The following ANKHD1 variants were observed in gnomAD, a reference collection of about 807,000 sequenced individuals.
ANKHD1 encodes the protein ankyrin repeat and KH domain containing 1.
Under a neutral mutation model 230.5 loss-of-function variants are expected in ANKHD1, and 31 were observed. The ratio of observed to expected loss-of-function variants is 0.13; its 90% CI spans 0.10 to 0.18. The LOEUF (loss-of-function observed/expected upper bound fraction) is 0.18. Ranked by LOEUF, ANKHD1 falls within the 10% of genes least tolerant of loss-of-function variation. The pLI is 1.00. For missense variants in ANKHD1, 2,256 were observed against 3,071.3 expected, an observed-to-expected ratio of 0.73 and a Z score of 6.27; for synonymous variants, 1,074 against 1,117.6, an observed-to-expected ratio of 0.96 and a Z score of 0.78.
chr5:140,411,741 C>A (rs1349005926), intron 1 of ANKHD1, among the ~76,000 whole-genome samples: 1 of 151,832 alleles, frequency 6.6e-6, no homozygotes, highest in East Asian at 1.9e-4. Flanking sequence ...CCAGGCTGGT[C>A]TCGAACTCCT....
chr5:140,521,836 AGGCAT>A (rs1211680512), intron 24 of ANKHD1, among the ~76,000 whole-genome samples: 6 of 152,100 alleles, frequency 3.9e-5, no homozygotes, highest in Admixed American at 1.3e-4. Flanking sequence ...AAAATTAGTC[AGGCAT>A]GGTGGCACAC....
chr5:140,411,777 G>A (rs990257506), intron 1 of ANKHD1, among the ~76,000 whole-genome samples: 1 of 151,624 alleles, frequency 6.6e-6, no homozygotes, highest in Non-Finnish European at 1.5e-5. Flanking sequence ...GCCCACCTCA[G>A]CCTCCCAAAG....
chr5:140,428,169 G>A (rs1236990393), intron 1 of ANKHD1, among the ~76,000 whole-genome samples: 1 of 151,696 alleles, frequency 6.6e-6, no homozygotes, highest in Non-Finnish European at 1.5e-5. Context: ...GCCAGGCAGA[G>A]GGGCTCCTCA....
At chr5:140,466,531 T>A (rs182719161) in intron 10 of ANKHD1, among the ~76,000 whole-genome samples, 1 of 152,368 alleles carries the variant, frequency 6.6e-6, no homozygotes, top group Admixed American at 6.5e-5. Flanking sequence ...TTTTACTGTC[T>A]TCTGGAATTA....
At chr5:140,486,905 C>A (rs946436165) in intron 13 of ANKHD1, 53 bp from the exon 14 acceptor site, 1 of 1,559,044 alleles carries the variant, frequency 6.4e-7, no homozygotes, top group Non-Finnish European at 8.7e-7. Flanking sequence ...CATTTATGGG[C>A]CTTTGTCTTA....
rs1246939147 is a variant in ANKHD1, at chr5:140,459,256, A to C, written c.1573A>C (p.Ile525Leu). Residue 525 changes from isoleucine (I) to leucine (L), a missense_variant, in exon 9 of 34, where the codon ATT becomes CTT. Transcript: ENST00000360839. ...GGFSEVADFL[I>L]KAGADIELGC... is the part of the protein sequence containing the mutation. ...ATTTTCTGAAGTTGCAGACTTTCTT[A>C]TTAAGGCAGGGGCTGATATAGAACT... The C allele has an allele frequency of 6.2e-7, 1 of 1,603,286 alleles. No individual in the cohort carries two copies. Among genetic ancestry groups the C allele is most frequent in the South Asian group, 1.1e-5 (1 of 90,040 alleles).
intron 32 of ANKHD1, 124 bp from the exon 33 acceptor site, chr5:140,538,795 T>G: frequency 8.6e-7 from 1 of 1,164,856 alleles, no homozygotes; most frequent in Non-Finnish European, 1.1e-6. Flanking sequence ...ACTGTACTTA[T>G]AGGATCTTTT....
intron 7 of ANKHD1, among the ~76,000 whole-genome samples, chr5:140,452,863 A>C (rs1449211931): frequency 6.6e-6 from 1 of 152,240 alleles, no homozygotes; most frequent in Middle Eastern, 3.2e-3. Context: ...ACAAAGCTGG[A>C]TGGAGAATGA....
chr5:140,403,602 C>A (rs925236054), intron 1 of ANKHD1, among the ~76,000 whole-genome samples: 2 of 152,092 alleles, frequency 1.3e-5, no homozygotes, highest in African/African-American at 4.8e-5. Flanking sequence ...TTAGTAAAGA[C>A]AGGGTTTCAC....
At position 140,539,827 on chromosome 5, in the gene ANKHD1, A is replaced by G. The variant is rs2127105742; in HGVS notation, c.*409A>G. 6.3e-6 allele frequency: 1 copy of G among 158,118 alleles called. No individual in the cohort carries two copies. Among genetic ancestry groups the G allele is most frequent in the South Asian group, 1.9e-4 (1 of 5,262 alleles). 9.8% of individuals were successfully genotyped at this position (158,118 alleles called of 1,614,324 possible). A position where few individuals can be genotyped will look rare whatever the true frequency, so the allele number is the denominator to read the frequency against. On this transcript the variant is annotated 3_prime_UTR_variant, in exon 34 of 34. Transcript: ENST00000360839. ...ATTAATGTGAAATATTTACCAGAAT[A>G]TTCAATAAAAAGATGAACAGTCTTT... is the stretch of plus-strand genomic sequence containing the variant.
At position 140,485,102 on chromosome 5, in the gene ANKHD1, G is replaced by A. The variant is rs376312332; in HGVS notation, c.1871-19G>A. 124 of 1,590,320 alleles carry A rather than the reference G, an allele frequency of 7.8e-5. No individual in the cohort carries two copies. Among genetic ancestry groups the A allele is most frequent in the Non-Finnish European group, 1.0e-4 (117 of 1,161,720 alleles). ...TGATGTCAACCTTTGCTAAGATTGC[G>A]ATTTATTTTTCTTCAAAGGTGCCAA... On this transcript the variant is annotated intron_variant, in intron 11 of 33. Coordinates refer to ENST00000360839, the MANE Select transcript of ANKHD1 (RefSeq NM_017747.3). This position sits in a 1 kb window ranked among gnomAD's most constrained non-coding sequence, Gnocchi z 4.8.
intron 24 of ANKHD1, among the ~76,000 whole-genome samples, chr5:140,520,926 T>TAA (rs1490749716): frequency 5.1e-5 from 6 of 116,576 alleles, no homozygotes; most frequent in Non-Finnish European, 7.3e-5. Flanking sequence ...ACTTAAAGTA[T>TAA]AATAAAAAAA....
At chr5:140,433,446 C>T (rs1256105243) in intron 1 of ANKHD1, among the ~76,000 whole-genome samples, 1 of 152,204 alleles carries the variant, frequency 6.6e-6, no homozygotes, top group Non-Finnish European at 1.5e-5. Context: ...CTATGTCTAA[C>T]TACCTATTGA....
chr5:140,497,199 G>A lies in ANKHD1; in HGVS notation c.2925G>A (p.Leu975=), dbSNP rs1752071943. 1 of 1,612,666 alleles carries A rather than the reference G, an allele frequency of 6.2e-7. No homozygotes were observed. Residue 975 remains leucine (L), a synonymous_variant, in exon 15 of 34, where the codon CTG becomes CTA. Transcript: ENST00000360839. ...QIAITGHDQG[L]LVQEPDGLMV... ...CTATTACTGGACATGATCAGGGGCT[G>A]TTAGTTCAAGAACCAGATGGACTAA...
At chr5:140,486,351 C>T (rs745588099) in intron 13 of ANKHD1, among the ~76,000 whole-genome samples, 1 of 152,124 alleles carries the variant, frequency 6.6e-6, no homozygotes, top group Non-Finnish European at 1.5e-5. Context: ...AGGCGTGAGC[C>T]ACATGCCCGG....
chr5:140,411,114 A>G (rs1770888668), intron 1 of ANKHD1, among the ~76,000 whole-genome samples: 1 of 152,242 alleles, frequency 6.6e-6, no homozygotes. Context: ...GGAGAAAATA[A>G]GCAGGATGTA....
At chr5:140,475,149 A>G (rs181527597) in intron 10 of ANKHD1, among the ~76,000 whole-genome samples, 1 of 152,182 alleles carries the variant, frequency 6.6e-6, no homozygotes, top group Non-Finnish European at 1.5e-5. Flanking sequence ...TTGTTTAAAT[A>G]TAAGTACAAA....
At chr5:140,428,210 C>T (rs992938622) in intron 1 of ANKHD1, among the ~76,000 whole-genome samples, 7 of 151,980 alleles carry the variant, frequency 4.6e-5, no homozygotes, top group South Asian at 2.1e-4. Flanking sequence ...CAGGCAGAGA[C>T]GCTCCTCACT....
chr5:140,491,092 G>GTATATATATATATATATA (rs377535904), intron 14 of ANKHD1, among the ~76,000 whole-genome samples: 2 of 102,414 alleles, frequency 2.0e-5, no homozygotes, highest in Non-Finnish European at 3.6e-5. Context: ...GTGTGTGTGT[G>GTATATATATATATATATA]TATATATATA....
Sources: allele counts gnomAD v4.1 joint callset (sites outside exome capture counted in the v4.1 genomes callset), GRCh38; gene constraint gnomAD v4.1.1; non-coding constraint Gnocchi (gnomAD v3.1); transcripts MANE v1.5; gene names NCBI Gene and HGNC (gene_info 2026-07-23, HGNC 2026-07-21).